Variants in KCNG1 observed in about 807,000 individuals in gnomAD.
The protein encoded by KCNG1 is voltage-gated potassium channel regulatory subunit KCNG1.
A neutral mutation model predicts 32.4 loss-of-function variants in KCNG1; 17 were observed. The ratio of observed to expected loss-of-function variants is 0.52; its 90% confidence interval spans 0.36 to 0.79. The LOEUF is 0.79. KCNG1 is among the 30% of genes least tolerant of loss of function. The pLI is 0.00. For missense variants in KCNG1, 441 were observed against 735.2 expected, an observed-to-expected ratio of 0.60 and a Z score of 4.63; for synonymous variants, 358 against 339.9, an observed-to-expected ratio of 1.05 and a Z score of -0.59.
intron 1 of KCNG1, chr20:51,013,650 G>A (rs144871370): frequency 6.6e-6 from 1 of 152,182 alleles, no homozygotes; most frequent in African/African-American, 2.4e-5. Context: ...CAGAGATCAG[G>A]GTTTGGAAAA....
At chr20:51,019,649 G>A (rs1988400137) in intron 1 of KCNG1, among the ~76,000 whole-genome samples, 1 of 152,078 alleles carries the variant, frequency 6.6e-6, no homozygotes. Context: ...TACTCTGCAG[G>A]CTTTGGTTTC....
intron 1 of KCNG1, among the ~76,000 whole-genome samples, chr20:51,014,933 G>C (rs1431956576): frequency 6.6e-6 from 1 of 152,164 alleles, no homozygotes; most frequent in African/African-American, 2.4e-5. Flanking sequence ...GGTGGGCTTG[G>C]ATGATCAAAG....
At chr20:51,022,522 T>G (rs566523218) in intron 1 of KCNG1, 1 of 152,230 alleles carries the variant, frequency 6.6e-6, no homozygotes, top group East Asian at 1.9e-4. Flanking sequence ...CTAACTCTCC[T>G]TCCTCCCAGG....
chr20:51,009,770 T>C lies in KCNG1; in HGVS notation c.569A>G (p.Asp190Gly). 6.2e-7 allele frequency: 1 copy of C among 1,610,878 alleles called. No homozygotes were observed. The highest frequency in any genetic ancestry group is 8.5e-7 in the Non-Finnish European group (1 of 1,179,786). ...VEREEEDDAL[D>G]SEGRDSEGPA... The stretch of plus-strand genomic sequence containing the variant: ...GCCCTCGCTGTCGCGGCCCTCGCTG[T>C]CCAGCGCGTCGTCCTCTTCCTCCCG... Residue 190 changes from aspartate to glycine, a missense_variant, in exon 2 of 3, where the codon GAC becomes GGC. Coordinates refer to ENST00000371571, the MANE Select transcript of KCNG1 (RefSeq NM_002237.4).
At position 51,015,102 on chromosome 20, in the gene KCNG1, G is replaced by A. The variant is rs1988231159; in HGVS notation, c.-26-4738C>T. On this transcript the variant is annotated intron_variant, in intron 1 of 2. Coordinates refer to ENST00000371571, the MANE Select transcript of KCNG1 (RefSeq NM_002237.4). This position sits in a 1 kb window ranked among gnomAD's most constrained non-coding sequence, Gnocchi z 4.4. ...TGCCTGCCAGGTCAGTGGACAACGA[G>A]TGGGCTGGGGAGCCCAGGCTGGAGG... Among the ~76,000 whole-genome samples, 1 of 152,196 alleles carries A rather than the reference G, an allele frequency of 6.6e-6. No individual in the cohort carries two copies. Among genetic ancestry groups the A allele is most frequent in the Non-Finnish European group, 1.5e-5 (1 of 68,038 alleles).
chr20:51,005,232 G>A lies in KCNG1; in HGVS notation c.775-426C>T, dbSNP rs140683074. The stretch of plus-strand genomic sequence containing the variant: ...TTACCACCTTGCGTATAACCCCCAG[G>A]AAGTCTCTTCATTTAAAACAGTGCG... On this transcript the variant is annotated intron_variant, in intron 2 of 2. Transcript: ENST00000371571. The surrounding 1 kb of genome is among the most constrained non-coding windows in gnomAD (Gnocchi z 4.0). 6.3e-6 allele frequency: 1 copy of A among 158,080 alleles called. No homozygotes were observed. Among genetic ancestry groups the A allele is most frequent in the South Asian group, 2.0e-4 (1 of 4,932 alleles). The allele number at this position is 158,080 out of a possible 1,614,324, so 9.8% of individuals were successfully genotyped here.
chr20:51,010,136 TTGA>T lies in KCNG1; in HGVS notation c.200_202del (p.Ile67del). On this transcript the variant is annotated inframe_deletion, in exon 2 of 3. Coordinates refer to ENST00000371571, the MANE Select transcript of KCNG1 (RefSeq NM_002237.4). ...CAGCGAGTACTTGATGCCGCCTACGTTGATGATGATCCGACGGCGGCGGTCCTC... is the reference window on the plus strand; with the variant it reads ...CAGCGAGTACTTGATGCCGCCTACGTTGATGATCCGACGGCGGCGGTCCTC... The T allele has an allele frequency of 6.2e-7, 1 of 1,613,228 alleles. No individual in the cohort carries two copies. The highest frequency in any genetic ancestry group is 8.5e-7 in the Non-Finnish European group (1 of 1,179,628).
chr20:51,009,775 C>G lies in KCNG1; in HGVS notation c.564G>C (p.Ala188=). 1 of 1,611,148 alleles carries G rather than the reference C, an allele frequency of 6.2e-7. No individual in the cohort carries two copies. Among genetic ancestry groups the G allele is most frequent in the African/African-American group, 1.3e-5 (1 of 75,042 alleles). Residue 188 remains alanine, a synonymous_variant, in exon 2 of 3, where the codon GCG becomes GCC. Transcript: ENST00000371571. ...CGCTGTCGCGGCCCTCGCTGTCCAG[C>G]GCGTCGTCCTCTTCCTCCCGCTCCA... ...EMVEREEEDD[A]LDSEGRDSEG...
In KCNG1 at chr20:51,003,705, T is replaced by A; in HGVS notation, c.*334A>T. On this transcript the variant is annotated 3_prime_UTR_variant, in exon 3 of 3. Coordinates refer to ENST00000371571, the MANE Select transcript of KCNG1 (RefSeq NM_002237.4). ...TTTTTTTTTTCTCCAGGCAGACCCA[T>A]AAAGCAAGTTTTTGCTGGGCATGTT... The A allele has an allele frequency of 4.0e-5, 7 of 174,670 alleles. No individual in the cohort carries two copies. Among genetic ancestry groups the A allele is most frequent in the African/African-American group, 8.4e-5 (3 of 35,584 alleles). 10.8% of individuals were successfully genotyped at this position (174,670 alleles called of 1,614,324 possible).
chr20:51,017,394 T>A (rs1988319205), intron 1 of KCNG1, among the ~76,000 whole-genome samples: 2 of 152,132 alleles, frequency 1.3e-5, no homozygotes, highest in African/African-American at 4.8e-5. Context: ...CATGTGAGGA[T>A]CTATATTAAC....
rs1323040650 is a variant in KCNG1, at chr20:51,009,869, G to A, written c.470C>T (p.Ala157Val). The A allele has an allele frequency of 1.2e-6, 2 of 1,613,452 alleles. No individual in the cohort carries two copies. Among genetic ancestry groups the A allele is most frequent in the Non-Finnish European group, 1.7e-6 (2 of 1,179,960 alleles). The change falls in exon 2 of 3, where the codon GCG (alanine) becomes GTG (valine). Residue 157 changes from alanine to valine, a missense_variant. By Grantham distance (64) the Ala-to-Val change is moderately conservative (BLOSUM62 0). Transcript: ENST00000371571. ...FQEELLYWGI[A>V]EDHLDGCCKR... ...GCAGCAGCCGTCCAGGTGGTCCTCC[G>A]CGATGCCCCAGTACAGCAGCTCCTC...
intron 2 of KCNG1, among the ~76,000 whole-genome samples, chr20:51,009,079 C>T (rs955363172): frequency 6.6e-6 from 1 of 152,192 alleles, no homozygotes; most frequent in Non-Finnish European, 1.5e-5. Context: ...CATTTGTAGA[C>T]ACACATATAC....
At chr20:51,008,206 A>C (rs369970957) in intron 2 of KCNG1, among the ~76,000 whole-genome samples, 2 of 152,172 alleles carry the variant, frequency 1.3e-5, no homozygotes, top group Non-Finnish European at 2.9e-5. Flanking sequence ...TCTCATACAC[A>C]AGGAGACTGA....
At chr20:51,011,706 A>G (rs1367013089) in intron 1 of KCNG1, among the ~76,000 whole-genome samples, 5 of 152,218 alleles carry the variant, frequency 3.3e-5, no homozygotes, top group South Asian at 2.1e-4. Flanking sequence ...ACGTGATTTG[A>G]TAAGATTGCT....
Position 51,004,569 on chromosome 20 carries a change from C to T in KCNG1, c.1012G>A (p.Val338Met), listed in dbSNP as rs768780007. 3 of 1,584,790 alleles carry T rather than the reference C, an allele frequency of 1.9e-6. No homozygotes were observed. The highest frequency in any genetic ancestry group is 2.3e-5 in the East Asian group (1 of 43,278). Residue 338 changes from valine (V) to methionine (M), a missense_variant, in exon 3 of 3, where the codon GTG (valine) becomes ATG (methionine). Physicochemically the swap from Val to Met is conservative, Grantham distance 21. Coordinates refer to ENST00000371571, the MANE Select transcript of KCNG1 (RefSeq NM_002237.4). The surrounding 1 kb of genome is among the most constrained non-coding windows in gnomAD (Gnocchi z 4.3). ...CGCAGCACGCGCAGCACCAGCCCCACCTTGTCCAGGTAGCTGTTGCCCGCG... is the reference window on the plus strand; with the variant it reads ...CGCAGCACGCGCAGCACCAGCCCCATCTTGTCCAGGTAGCTGTTGCCCGCG... ...PGAGNSYLDK[V>M]GLVLRVLRAL...
intron 1 of KCNG1, chr20:51,014,111 T>A (rs1302884755): frequency 6.6e-6 from 1 of 152,142 alleles, no homozygotes; most frequent in Non-Finnish European, 1.5e-5. Flanking sequence ...GGCAGCAGGG[T>A]GAGTATGGAG....
At position 51,010,270 on chromosome 20, in the gene KCNG1, G is replaced by A. The variant is rs200434033; in HGVS notation, c.69C>T (p.Ser23=). Residue 23 remains serine (S), a synonymous_variant, in exon 2 of 3, where the codon TCC becomes TCT. Coordinates refer to ENST00000371571, the MANE Select transcript of KCNG1 (RefSeq NM_002237.4). ...GCTGCGGGAGGAAGGCCGGGTGGAA[G>A]GAGGCGTCCGAGGTGCAGCTCAGCG... The part of the protein sequence containing the change: ...YSALSCTSDA[S]FHPAFLPQRQ... 154 of 1,529,242 alleles carry A rather than the reference G, an allele frequency of 1.0e-4. 1 individual carries two copies. In the East Asian group the frequency reaches 2.5e-3, roughly 25 times the overall value. The allele number at this position is 1,529,242 out of a possible 1,614,324, so 94.7% of individuals were successfully genotyped here. A position where few individuals can be genotyped will look rare whatever the true frequency, so the allele number is the denominator to read the frequency against.
intron 2 of KCNG1, chr20:51,007,855 A>G (rs6020906): frequency 0.77 from 117,693 of 152,004 alleles, 46,366 homozygotes; most frequent in Middle Eastern, 0.87. Flanking sequence ...TTAAAAATAA[A>G]TAAATAAATT....
At position 51,009,673 on chromosome 20, in the gene KCNG1, C is replaced by T. The variant is rs1021978665; in HGVS notation, c.666G>A (p.Ser222=). The change falls in exon 2 of 3, where the codon TCG becomes TCA. Residue 222 remains serine, a synonymous_variant. Coordinates refer to ENST00000371571, the MANE Select transcript of KCNG1 (RefSeq NM_002237.4). Reference sequence around the variant, plus strand: ...AGGCGAACACCTTGCCAGGCAGCCCCGAGTGCGGCCTCTCCACCATGTCGC... The same window carrying T: ...AGGCGAACACCTTGCCAGGCAGCCCTGAGTGCGGCCTCTCCACCATGTCGC... ...RLRDMVERPH[S]GLPGKVFACL... 140 of 1,605,316 alleles carry T rather than the reference C, an allele frequency of 8.7e-5. No individual in the cohort carries two copies. Among genetic ancestry groups the T allele is most frequent in the Non-Finnish European group, 1.1e-4 (127 of 1,179,196 alleles).
Sources: gnomAD v4.1 joint callset for allele counts (sites outside exome capture counted in the v4.1 genomes callset) on GRCh38, gnomAD v4.1.1 for gene constraint, Gnocchi (gnomAD v3.1) non-coding constraint, MANE v1.5 for transcripts, NCBI Gene and HGNC (gene_info 2026-07-23, HGNC 2026-07-21) for gene names.